PSG2: variants seen among roughly 807,000 people sequenced by gnomAD.
PSG2 encodes the protein pregnancy-specific beta-1-glycoprotein 2.
PSG2 carries 49 observed loss-of-function variants against 36.2 expected under a neutral mutation model. That is an observed-to-expected ratio of 1.35 (90% CI 1.08 to 1.72). PSG2 has a LOEUF of 1.72. Among genes scored for constraint, PSG2 ranks in the 40% most tolerant of loss-of-function variants. The pLI, the probability that PSG2 is intolerant of heterozygous loss-of-function variation, is 0.00. For missense variants in PSG2, 605 were observed against 407.2 expected, an observed-to-expected ratio of 1.49 and a Z score of -4.18; for synonymous variants, 261 against 155.6, an observed-to-expected ratio of 1.68 and a Z score of -5.04.
chr19:43,075,406 T>C lies in PSG2; in HGVS notation c.657A>G (p.Ile219Met), dbSNP rs760277942. The C allele has an allele frequency of 1.2e-6, 2 of 1,613,160 alleles. No individual in the cohort carries two copies. Among genetic ancestry groups the C allele is most frequent in the Admixed American group, 3.3e-5 (2 of 59,954 alleles). ...KYTAGPYECE[I>M]RNSGSASRSD... is the part of the protein sequence containing the mutation. ...TGCGGCTGGCACTCCCTGAGTTCCG[T>C]ATTTCACATTCATAGGGTCCTGCAG... The change falls in exon 3 of 6, where the codon ATA (isoleucine) becomes ATG (methionine). Residue 219 changes from isoleucine to methionine, a missense_variant. Coordinates refer to ENST00000406487, the MANE Select transcript of PSG2 (RefSeq NM_031246.4).
intron 4 of PSG2, among the ~76,000 whole-genome samples, chr19:43,070,495 G>A (rs1214272603): frequency 6.6e-6 from 1 of 151,730 alleles, no homozygotes; most frequent in South Asian, 2.1e-4. Context: ...GTGTCTATAC[G>A]TTGAAATGTT....
intron 4 of PSG2, among the ~76,000 whole-genome samples, chr19:43,070,933 C>A (rs1417193102): frequency 6.6e-6 from 1 of 151,632 alleles, no homozygotes; most frequent in East Asian, 1.9e-4. Flanking sequence ...GTGAATCTCC[C>A]TATTTCTCTA....
chr19:43,079,245 C>T (rs942318554), intron 2 of PSG2, among the ~76,000 whole-genome samples: 2 of 151,342 alleles, frequency 1.3e-5, no homozygotes, highest in African/African-American at 4.9e-5. Flanking sequence ...CGTCAGAGAC[C>T]CCAGGGACCA....
At chr19:43,075,960 G>T (rs1022948452) in intron 2 of PSG2, among the ~76,000 whole-genome samples, 3 of 151,536 alleles carry the variant, frequency 2.0e-5, no homozygotes, top group Non-Finnish European at 2.9e-5. Flanking sequence ...GGCCCACCTT[G>T]TGGTCCTCAC....
chr19:43,076,449 G>A (rs749999958), intron 2 of PSG2, among the ~76,000 whole-genome samples: 26 of 151,768 alleles, frequency 1.7e-4, no homozygotes, highest in Admixed American at 2.6e-4. Flanking sequence ...TTGCAAATGC[G>A]AAACTGACTG....
intron 2 of PSG2, 66 bp downstream of exon 2, chr19:43,080,815 C>T (rs907424734): frequency 2.2e-5 from 35 of 1,611,770 alleles, no homozygotes; most frequent in Non-Finnish European, 5.1e-6. Context: ...GCCTGACAAT[C>T]CTGTGTGTGT....
chr19:43,066,499 G>C lies in PSG2; in HGVS notation c.*40+18C>G. The C allele has an allele frequency of 6.7e-7, 1 of 1,501,740 alleles. No homozygotes were observed. Among genetic ancestry groups the C allele is most frequent in the Non-Finnish European group, 9.3e-7 (1 of 1,079,306 alleles). 93.0% of individuals were successfully genotyped at this position (1,501,740 alleles called of 1,614,324 possible). On this transcript the variant is annotated intron_variant, in intron 5 of 5. Coordinates refer to ENST00000406487, the MANE Select transcript of PSG2 (RefSeq NM_031246.4). The stretch of plus-strand genomic sequence containing the variant: ...GTCAGCTCTGCAGGAACCAGGATAA[G>C]AGAAAAGGCCATCATACCTGCCAGT...
chr19:43,068,622 A>G (rs1202413911), intron 4 of PSG2, among the ~76,000 whole-genome samples: 1 of 151,768 alleles, frequency 6.6e-6, no homozygotes, highest in African/African-American at 2.4e-5. Flanking sequence ...AATATGAATA[A>G]AACTATAATC....
At position 43,074,206 on chromosome 19, in the gene PSG2, G is replaced by A. The variant is rs143859042; in HGVS notation, c.709+1148C>T. 2.3e-3 allele frequency among the ~76,000 whole-genome samples: 356 copies of A among 151,618 alleles called. 16 individuals are homozygous for A. The East Asian group carries it at 0.06, about 25-fold the overall frequency. On this transcript the variant is annotated intron_variant, in intron 3 of 5. Coordinates refer to ENST00000406487, the MANE Select transcript of PSG2 (RefSeq NM_031246.4). Reference sequence around the variant, plus strand: ...ATAAGAGCCTGTCAGGTCAGATTTAGGACGGAGTTTTCTAATTCTGCCAAA... The same window carrying A: ...ATAAGAGCCTGTCAGGTCAGATTTAAGACGGAGTTTTCTAATTCTGCCAAA...
At chr19:43,072,228 T>G (rs1466156448) in intron 3 of PSG2, 27 of 1,492,114 alleles carry the variant, frequency 1.8e-5, no homozygotes, top group Non-Finnish European at 2.4e-5. Flanking sequence ...CAGGGAGTCA[T>G]GGCCAGCTTG....
At chr19:43,072,744 C>T in intron 3 of PSG2, 2 of 1,522,044 alleles carry the variant, frequency 1.3e-6, no homozygotes, top group East Asian at 4.5e-5. Context: ...TCCTTGAAAG[C>T]CAATAACTGG....
chr19:43,066,377 A>C, intron 5 of PSG2, 140 bp downstream of exon 5: 1 of 682,272 alleles, frequency 1.5e-6, no homozygotes, highest in Non-Finnish European at 2.7e-6. Flanking sequence ...AGGGAACTGC[A>C]GGAATTAGTG....
At chr19:43,080,136 C>T (rs1364307653) in intron 2 of PSG2, among the ~76,000 whole-genome samples, 4 of 151,762 alleles carry the variant, frequency 2.6e-5, no homozygotes, top group African/African-American at 7.3e-5. Context: ...ACATCAGATC[C>T]CTGTGGACAA....
intron 4 of PSG2, among the ~76,000 whole-genome samples, chr19:43,068,131 C>A (rs11878265): frequency 0.16 from 24,547 of 150,640 alleles, 2,505 homozygotes; most frequent in East Asian, 0.48. Context: ...GTTTAAAATT[C>A]CTAAAATCAG....
chr19:43,067,357 C>T (rs377158017), intron 4 of PSG2, among the ~76,000 whole-genome samples: 1 of 151,056 alleles, frequency 6.6e-6, no homozygotes, highest in African/African-American at 2.5e-5. Flanking sequence ...ACTAACATAC[C>T]AGGCTTGATT....
At chr19:43,071,984 A>G in intron 3 of PSG2, 30 bp from the exon 4 acceptor site, 1 of 1,606,686 alleles carries the variant, frequency 6.2e-7, no homozygotes, top group Non-Finnish European at 8.5e-7. Flanking sequence ...GCCACAGGTG[A>G]TGCCATCTGA....
At chr19:43,066,738 G>A (rs1276317463) in intron 4 of PSG2, 138 bp from the exon 5 acceptor site, 2 of 1,349,870 alleles carry the variant, frequency 1.5e-6, no homozygotes, top group Non-Finnish European at 2.0e-6. Context: ...GAATATTGAT[G>A]GGAGATGATT....
At chr19:43,081,402 AG>A (rs1384091632) in intron 1 of PSG2, among the ~76,000 whole-genome samples, 156 bp from the exon 2 acceptor site, 18 of 145,324 alleles carry the variant, frequency 1.2e-4, no homozygotes, top group African/African-American at 2.6e-4. Flanking sequence ...CACACACAAA[AG>A]GGGCATGTGT....
chr19:43,076,419 C>G lies in PSG2; in HGVS notation c.431-787G>C, dbSNP rs139027942. ...GCAGGTGAGGACGATGTGGACCTTT[C>G]TAGAAATACATGTGGATGTTTGCAA... On this transcript the variant is annotated intron_variant, in intron 2 of 5. Coordinates refer to ENST00000406487, the MANE Select transcript of PSG2 (RefSeq NM_031246.4). 4.7e-4 allele frequency among the ~76,000 whole-genome samples: 71 copies of G among 151,854 alleles called. 2 individuals are homozygous for G. In the East Asian group the frequency reaches 0.011, roughly 23 times the overall value.
Sources: allele counts gnomAD v4.1 joint callset (sites outside exome capture counted in the v4.1 genomes callset), GRCh38; gene constraint gnomAD v4.1.1; transcripts MANE v1.5; gene names NCBI Gene and HGNC (gene_info 2026-07-23, HGNC 2026-07-21).